PRR16: variants seen among roughly 807,000 people sequenced by gnomAD.
The protein encoded by PRR16 is protein Largen.
In PRR16, 6 loss-of-function variants were observed where a neutral mutation model predicts 18.2. The observed-to-expected ratio is 0.33, with a 90% CI of 0.18 to 0.65. The LOEUF is 0.65. PRR16 is among the 30% of genes least tolerant of loss of function. The pLI, the probability that PRR16 is intolerant of heterozygous loss-of-function variation, is 0.74. For synonymous variants in PRR16, 151 were observed against 147.8 expected, an observed-to-expected ratio of 1.02 and a Z score of -0.16; for missense variants, 412 against 376.6, an observed-to-expected ratio of 1.09 and a Z score of -0.78.
At chr5:120,608,259 C>A (rs1196144436) in intron 1 of PRR16, among the ~76,000 whole-genome samples, 1 of 151,992 alleles carries the variant, frequency 6.6e-6, no homozygotes, top group East Asian at 1.9e-4. Flanking sequence ...TTTTTCGTTG[C>A]TCTTGGCCTT....
At chr5:120,700,612 A>G in the PRR16 span, among the ~76,000 whole-genome samples, 3 of 151,930 alleles carry the variant, frequency 2.0e-5, no homozygotes, top group African/African-American at 7.3e-5. Flanking sequence ...TGCTTAAAAG[A>G]GTATTGTCCA....
chr5:120,635,021 A>G (rs1755181474), intron 1 of PRR16, among the ~76,000 whole-genome samples: 1 of 152,158 alleles, frequency 6.6e-6, no homozygotes, highest in East Asian at 1.9e-4. Context: ...CCTGTAGGAG[A>G]TTAATGAATT....
chr5:120,527,993 A>G (rs1435710310), intron 1 of PRR16, among the ~76,000 whole-genome samples: 1 of 152,214 alleles, frequency 6.6e-6, no homozygotes. Context: ...TATAGTTTTT[A>G]AAGATCTCAA....
intron 1 of PRR16, among the ~76,000 whole-genome samples, chr5:120,486,300 C>T (rs1423514543): frequency 1.3e-5 from 2 of 152,102 alleles, no homozygotes; most frequent in Non-Finnish European, 2.9e-5. Flanking sequence ...TCCACATCCT[C>T]TCCAGCACCT....
the PRR16 span, among the ~76,000 whole-genome samples, chr5:120,779,947 T>C: frequency 2.6e-5 from 4 of 152,128 alleles, no homozygotes; most frequent in Admixed American, 6.5e-5. Flanking sequence ...TCTACAAAAA[T>C]TTATATCTGT....
At chr5:120,509,918 A>G (rs1039488815) in intron 1 of PRR16, among the ~76,000 whole-genome samples, 3 of 152,038 alleles carry the variant, frequency 2.0e-5, no homozygotes, top group Admixed American at 6.6e-5. Context: ...CGTGATCCCA[A>G]TTGGACAGGC....
At chr5:120,694,283 T>A in the PRR16 span, among the ~76,000 whole-genome samples, 1 of 152,358 alleles carries the variant, frequency 6.6e-6, no homozygotes, top group East Asian at 1.9e-4. Context: ...TTGTAGTTTA[T>A]ATTATCAGGT....
chr5:120,782,777 G>A, the PRR16 span, among the ~76,000 whole-genome samples: 2 of 152,242 alleles, frequency 1.3e-5, no homozygotes, highest in South Asian at 2.1e-4. Context: ...TGCAAATTTT[G>A]TGGCTGGTCC....
chr5:120,626,125 G>A (rs941717108), intron 1 of PRR16, among the ~76,000 whole-genome samples: 2 of 152,050 alleles, frequency 1.3e-5, no homozygotes, highest in African/African-American at 4.8e-5. Flanking sequence ...GGCTCAGTAA[G>A]CGTTATAAAC....
At chr5:120,521,727 T>A (rs1751187170) in intron 1 of PRR16, among the ~76,000 whole-genome samples, 1 of 152,132 alleles carries the variant, frequency 6.6e-6, no homozygotes, top group Non-Finnish European at 1.5e-5. Context: ...AACATGCAGG[T>A]TTGTTACATA....
the PRR16 span, among the ~76,000 whole-genome samples, chr5:120,715,096 C>A: frequency 6.6e-6 from 1 of 151,698 alleles, no homozygotes; most frequent in African/African-American, 2.4e-5. Context: ...GCACATGTAT[C>A]CCAGAACTTA....
At chr5:120,634,277 G>A (rs931883797) in intron 1 of PRR16, among the ~76,000 whole-genome samples, 1 of 152,136 alleles carries the variant, frequency 6.6e-6, no homozygotes, top group African/African-American at 2.4e-5. Context: ...AATGATAGTA[G>A]TGACAAAACC....
In PRR16 at chr5:120,650,214, T is replaced by TA. The variant is rs1273150513; in HGVS notation, c.160-35728dup. 9.7e-3 allele frequency among the ~76,000 whole-genome samples: 1,225 copies of TA among 126,330 alleles called. 6 individuals carry two copies. The highest frequency in any genetic ancestry group is 0.014 in the Non-Finnish European group (825 of 58,778). The allele number at this position is 126,330 out of a possible 152,430, so 82.9% of individuals were successfully genotyped here. On this transcript the variant is annotated intron_variant, in intron 1 of 1. Transcript: ENST00000407149. Reference sequence around the variant, plus strand: ...CCTGGTGACAGAACAAGACTCCTTCTAAAAAAAAAAAAGAAAAAGAAAGAA... The same window carrying TA: ...CCTGGTGACAGAACAAGACTCCTTCTAAAAAAAAAAAAAGAAAAAGAAAGAA...
rs1012515101 is a variant in PRR16 at position 120,687,084 on chromosome 5, C to G, written c.*375C>G. 1 of 158,102 alleles carries G rather than the reference C, an allele frequency of 6.3e-6. No homozygotes were observed. The highest frequency in any genetic ancestry group is 1.4e-5 in the Non-Finnish European group (1 of 72,064). 9.8% of individuals were successfully genotyped at this position (158,102 alleles called of 1,614,324 possible). On this transcript the variant is annotated 3_prime_UTR_variant, in exon 2 of 2. Transcript: ENST00000407149. ...AACATGTCATATTCTTAACTTTGAT[C>G]TAATGCTTTTTACTAGGAAATTTTA...
the PRR16 span, among the ~76,000 whole-genome samples, chr5:120,770,245 A>G: frequency 6.6e-6 from 1 of 151,566 alleles, no homozygotes; most frequent in African/African-American, 2.4e-5. Context: ...CATAAAGACA[A>G]ACACATAAGC....
At chr5:120,628,469 CTGTG>C (rs1325045532) in intron 1 of PRR16, among the ~76,000 whole-genome samples, 1 of 151,924 alleles carries the variant, frequency 6.6e-6, no homozygotes, top group Non-Finnish European at 1.5e-5. Flanking sequence ...AAGCCTAGCA[CTGTG>C]TTTTTAAAGG....
intron 1 of PRR16, among the ~76,000 whole-genome samples, chr5:120,535,465 T>A (rs1751685167): frequency 6.6e-6 from 1 of 152,180 alleles, no homozygotes; most frequent in South Asian, 2.1e-4. Flanking sequence ...GAATAATGAC[T>A]TTCACTTACA....
the PRR16 span, among the ~76,000 whole-genome samples, chr5:120,713,870 T>A: frequency 1.2e-4 from 18 of 152,192 alleles, no homozygotes; most frequent in East Asian, 1.9e-4. Context: ...AGCATGTGAA[T>A]GCACTTTAAC....
At chr5:120,607,520 T>C (rs1484523200) in intron 1 of PRR16, among the ~76,000 whole-genome samples, 1 of 152,164 alleles carries the variant, frequency 6.6e-6, no homozygotes, top group Admixed American at 6.5e-5. Context: ...CTCCCAGAGT[T>C]GTGCTGTGAA....
Sources: allele counts gnomAD v4.1 joint callset (sites outside exome capture counted in the v4.1 genomes callset), GRCh38; gene constraint gnomAD v4.1.1; transcripts MANE v1.5; gene names NCBI Gene and HGNC (gene_info 2026-07-23, HGNC 2026-07-21).